Variants in DDR2 observed in about 807,000 individuals in gnomAD.
The protein encoded by DDR2 is discoidin domain-containing receptor 2.
A neutral mutation model predicts 94.9 loss-of-function variants in DDR2; 27 were observed. The ratio of observed to expected loss-of-function variants is 0.28; its 90% CI spans 0.21 to 0.39. DDR2 has a LOEUF of 0.39. DDR2 is among the 10% of genes least tolerant of loss of function. The pLI is 1.00. For missense variants in DDR2, 783 were observed against 1,076.0 expected, an observed-to-expected ratio of 0.73 and a Z score of 3.81; for synonymous variants, 382 against 377.2, an observed-to-expected ratio of 1.01 and a Z score of -0.15.
In DDR2 at chr1:162,661,600, A is replaced by G. The variant is rs562242945; in HGVS notation, c.-28+6226A>G. Among the ~76,000 whole-genome samples the G allele has an allele frequency of 2.6e-5, 4 of 152,366 alleles. No homozygotes were observed. The South Asian group carries it at 8.3e-4, about 32-fold the overall frequency. ...CAGAAGGCAGAGACTTAGGCCAAGG[A>G]TCAGGAAATACAGAAGAGAAGCTGG... On this transcript the variant is annotated intron_variant, in intron 2 of 17. Coordinates refer to ENST00000367921, the MANE Select transcript of DDR2 (RefSeq NM_006182.4).
intron 3 of DDR2, among the ~76,000 whole-genome samples, chr1:162,729,200 G>C (rs1049957455): frequency 1.3e-5 from 2 of 150,074 alleles, no homozygotes; most frequent in South Asian, 4.2e-4. Context: ...TTGGGGAATG[G>C]GGCTTCTAAC....
At chr1:162,656,500 C>G (rs1044251997) in intron 2 of DDR2, among the ~76,000 whole-genome samples, 6 of 152,056 alleles carry the variant, frequency 3.9e-5, no homozygotes, top group African/African-American at 1.4e-4. Flanking sequence ...TAATTCACTT[C>G]ATAGTTTAAT....
intron 9 of DDR2, among the ~76,000 whole-genome samples, chr1:162,764,688 G>A (rs1429491175): frequency 6.6e-6 from 1 of 152,004 alleles, no homozygotes; most frequent in Non-Finnish European, 1.5e-5. Context: ...TTAGCTGGGT[G>A]TGGTGGCACG....
At chr1:162,776,670 AC>A (rs1305615493) in intron 16 of DDR2, among the ~76,000 whole-genome samples, 1 of 152,150 alleles carries the variant, frequency 6.6e-6, no homozygotes, top group Admixed American at 6.5e-5. Context: ...GATATTAAAA[AC>A]CTTATCATTT....
intron 9 of DDR2, among the ~76,000 whole-genome samples, chr1:162,763,336 C>CTT (rs56323242): frequency 3.5e-4 from 20 of 56,530 alleles, no homozygotes; most frequent in African/African-American, 9.7e-4. Context: ...CCACGCCCGG[C>CTT]TTTTTTTTTT....
chr1:162,636,024 G>A (rs1420054776), intron 1 of DDR2, among the ~76,000 whole-genome samples: 3 of 152,152 alleles, frequency 2.0e-5, no homozygotes, highest in African/African-American at 2.4e-5. Context: ...CAATCACCTC[G>A]TGTCTAAAGT....
intron 3 of DDR2, among the ~76,000 whole-genome samples, chr1:162,743,628 A>G (rs73026529): frequency 1.6e-3 from 237 of 152,350 alleles, no homozygotes; most frequent in African/African-American, 5.4e-3. Context: ...GCCTGGCCAC[A>G]GGCTTTGAAA....
chr1:162,744,551 T>C (rs971363019), intron 3 of DDR2, among the ~76,000 whole-genome samples: 7 of 152,164 alleles, frequency 4.6e-5, no homozygotes, highest in African/African-American at 4.8e-5. Flanking sequence ...AGTTCTGGGG[T>C]ACATGTGCAT....
rs1648102491 is a variant in DDR2 at position 162,785,241 on chromosome 1, T to C, written c.*4995T>C. On this transcript the variant is annotated 3_prime_UTR_variant, in exon 18 of 18. Coordinates refer to ENST00000367921, the MANE Select transcript of DDR2 (RefSeq NM_006182.4). ...TCCTGCTGCTTCTACGTGAGTAGGA[T>C]TAGCACTGGGGACAAAATAAGGAGT... 1 of 152,086 alleles carries C rather than the reference T, an allele frequency of 6.6e-6. No individual in the cohort carries two copies. The highest frequency in any genetic ancestry group is 1.5e-5 in the Non-Finnish European group (1 of 68,000). 9.4% of individuals were successfully genotyped at this position (152,086 alleles called of 1,614,324 possible).
chr1:162,631,180 CATT>C (rs1005117763), upstream of DDR2, among the ~76,000 whole-genome samples: 2 of 113,334 alleles, frequency 1.8e-5, no homozygotes, highest in African/African-American at 6.6e-5. Context: ...TGGCCACCCT[CATT>C]GTGTGTGTGT....
intron 2 of DDR2, among the ~76,000 whole-genome samples, chr1:162,681,795 C>G (rs1410619865): frequency 1.3e-5 from 2 of 152,132 alleles, no homozygotes; most frequent in African/African-American, 4.8e-5. Context: ...CTTTGGGGGT[C>G]AGATTTAAAC....
intron 2 of DDR2, among the ~76,000 whole-genome samples, chr1:162,683,240 A>G (rs1454069050): frequency 6.6e-6 from 1 of 152,186 alleles, no homozygotes; most frequent in East Asian, 1.9e-4. Flanking sequence ...GTGAAGAAGG[A>G]CTTAATGTTT....
chr1:162,731,841 A>G (rs1006265911), intron 3 of DDR2, among the ~76,000 whole-genome samples: 4 of 152,252 alleles, frequency 2.6e-5, no homozygotes, highest in Non-Finnish European at 5.9e-5. Flanking sequence ...GTGGGGTCCC[A>G]TAATTCAGAA....
chr1:162,672,633 C>T (rs61053563), intron 2 of DDR2, among the ~76,000 whole-genome samples: 1 of 152,014 alleles, frequency 6.6e-6, no homozygotes, highest in Non-Finnish European at 1.5e-5. Context: ...CATTAATTGA[C>T]CAAATGTTTT....
At chr1:162,748,873 A>C (rs1663027997) in intron 3 of DDR2, among the ~76,000 whole-genome samples, 1 of 152,164 alleles carries the variant, frequency 6.6e-6, no homozygotes, top group Non-Finnish European at 1.5e-5. Flanking sequence ...GCTCAACTAC[A>C]TGGAAACTGA....
At chr1:162,689,847 A>AAAAAAAAAAAAAAC (rs1659882950) in intron 2 of DDR2, among the ~76,000 whole-genome samples, 1 of 133,080 alleles carries the variant, frequency 7.5e-6, no homozygotes, top group Admixed American at 7.7e-5. Flanking sequence ...CTACTTAAAA[A>AAAAAAAAAAAAAAC]AAAAAAAAAA....
chr1:162,652,289 C>T (rs1458990906), intron 1 of DDR2, among the ~76,000 whole-genome samples: 1 of 152,150 alleles, frequency 6.6e-6, no homozygotes, highest in African/African-American at 2.4e-5. Context: ...CAAATGCAAA[C>T]CACACTGACC....
At chr1:162,661,470 T>C (rs545435284) in intron 2 of DDR2, among the ~76,000 whole-genome samples, 1 of 152,338 alleles carries the variant, frequency 6.6e-6, no homozygotes, top group South Asian at 2.1e-4. Context: ...TTTAATTCCC[T>C]TGGAGAATCC....
chr1:162,682,752 A>G (rs979947379), intron 2 of DDR2, among the ~76,000 whole-genome samples: 1 of 152,186 alleles, frequency 6.6e-6, no homozygotes, highest in East Asian at 1.9e-4. Flanking sequence ...AAAACAATGT[A>G]TTTACTTATG....
Sources: gnomAD v4.1 joint callset for allele counts (sites outside exome capture counted in the v4.1 genomes callset) on GRCh38, gnomAD v4.1.1 for gene constraint, MANE v1.5 for transcripts, NCBI Gene and HGNC (gene_info 2026-07-23, HGNC 2026-07-21) for gene names.